Variants in DLL4 observed in about 807,000 individuals in gnomAD.
DLL4 encodes the protein delta-like protein 4.
In DLL4, 7 loss-of-function variants were observed where a neutral mutation model predicts 73.6. That is an observed-to-expected ratio of 0.10 (90% CI 0.05 to 0.18). DLL4 has a LOEUF of 0.18. Among genes scored for constraint, DLL4 ranks in the 10% least tolerant of loss-of-function variants. The probability of loss-of-function intolerance (pLI) is 1.00; values close to 1 mark genes in which losing one functional copy is unlikely to be tolerated. For synonymous variants in DLL4, 345 were observed against 374.3 expected (o/e 0.92, Z 0.90); for missense variants, 614 against 929.9 (o/e 0.66, Z 4.42).
chr15:40,930,051 G>T lies in DLL4; in HGVS notation c.271G>T (p.Val91Phe). The stretch of plus-strand genomic sequence containing the variant: ...GGTATTGGGCACCAACTCCTTCGCT[G>T]TCCGGGACGACAGTAGCGGCGGGGG... ...TPVLGTNSFA[V>F]RDDSSGGGRN... The change falls in exon 2 of 11, where the codon GTC (valine) becomes TTC (phenylalanine). Residue 91 changes from valine (V) to phenylalanine (F), a missense_variant. Val to Phe is a conservative substitution (Grantham distance 50). Coordinates refer to ENST00000249749, the MANE Select transcript of DLL4 (RefSeq NM_019074.4). This position sits in a 1 kb window ranked among gnomAD's most constrained non-coding sequence, Gnocchi z 5.7. 6.2e-7 allele frequency: 1 copy of T among 1,612,752 alleles called. No homozygotes were observed. Among genetic ancestry groups the T allele is most frequent in the Non-Finnish European group, 8.5e-7 (1 of 1,179,622 alleles).
chr15:40,934,516 CCTGCTCAG>C (rs778248660), intron 6 of DLL4, 24 bp from the exon 7 acceptor site: 3 of 1,608,930 alleles, frequency 1.9e-6, no homozygotes, highest in Non-Finnish European at 8.5e-7. Flanking sequence ...ATTCCCTGGC[CCTGCTCAG>C]CTGCTTGGTT....
chr15:40,937,302 G>C, intron 9 of DLL4, 116 bp from the exon 10 acceptor site: 1 of 779,286 alleles, frequency 1.3e-6, no homozygotes, highest in African/African-American at 1.7e-5. Flanking sequence ...GGCACGTCCA[G>C]CCCCTGTGTC....
chr15:40,929,623 G>C lies in DLL4; in HGVS notation c.-46G>C. ...GCGCGGGAAAGCGGCGTCGCGAACAGAGCCAGATTGAGGGCCCGCGGGTGG... is the reference window on the plus strand; with the variant it reads ...GCGCGGGAAAGCGGCGTCGCGAACACAGCCAGATTGAGGGCCCGCGGGTGG... On this transcript the variant is annotated 5_prime_UTR_variant, in exon 1 of 11. Transcript: ENST00000249749. The surrounding 1 kb of genome is among the most constrained non-coding windows in gnomAD (Gnocchi z 7.1). 6.8e-7 allele frequency: 1 copy of C among 1,478,748 alleles called. No individual in the cohort carries two copies. Among genetic ancestry groups the C allele is most frequent in the Non-Finnish European group, 8.9e-7 (1 of 1,121,842 alleles). The allele number at this position is 1,478,748 out of a possible 1,614,324, so 91.6% of individuals were successfully genotyped here.
rs35212817 is a variant in DLL4, at chr15:40,934,834, G to A, written c.1021-64G>A. The stretch of plus-strand genomic sequence containing the variant: ...AGGCATTGTGGGCAGGTGGAGCCCA[G>A]CCTTCAGTCACACATCCCTGCCCCC... On this transcript the variant is annotated intron_variant, in intron 7 of 10. Transcript: ENST00000249749. 2.5e-6 allele frequency: 4 copies of A among 1,588,616 alleles called. No individual in the cohort carries two copies. In the African/African-American group the frequency reaches 4.0e-5, roughly 16 times the overall value.
intron 10 of DLL4, 136 bp from the exon 11 acceptor site, chr15:40,937,893 A>C: frequency 9.8e-7 from 1 of 1,019,040 alleles, no homozygotes; most frequent in Non-Finnish European, 1.4e-6. Context: ...GTTGGGCCGA[A>C]GACTGGGGAG....
rs564058586 is a variant in DLL4 at position 40,931,443 on chromosome 15, C to T, written c.395-60C>T. ...ACAGCCAAGAAGGACATTGGCCAGCCGTCACTGGCACCCTTGGGGACTGGC... is the reference window on the plus strand; with the variant it reads ...ACAGCCAAGAAGGACATTGGCCAGCTGTCACTGGCACCCTTGGGGACTGGC... On this transcript the variant is annotated intron_variant, in intron 3 of 10. Transcript: ENST00000249749. 1.3e-5 allele frequency: 20 copies of T among 1,541,900 alleles called. No individual in the cohort carries two copies. In the East Asian group the frequency reaches 3.1e-4, roughly 24 times the overall value.
intron 9 of DLL4, 30 bp from the exon 10 acceptor site, chr15:40,937,388 C>G: frequency 2.0e-6 from 3 of 1,501,250 alleles, no homozygotes; most frequent in Non-Finnish European, 1.9e-6. Context: ...CCCCGTCCCT[C>G]CCTTACACGC....
Position 40,929,660 on chromosome 15 carries a change from C to T in DLL4, c.-9C>T. On this transcript the variant is annotated 5_prime_UTR_variant, in exon 1 of 11. Coordinates refer to ENST00000249749, the MANE Select transcript of DLL4 (RefSeq NM_019074.4). The surrounding 1 kb of genome is among the most constrained non-coding windows in gnomAD (Gnocchi z 7.1). ...GGGCCCGCGGGTGGAGAGAGCGACG[C>T]CCGAGGGGATGGCGGCAGCGTCCCG... The T allele has an allele frequency of 5.9e-6, 9 of 1,533,326 alleles. No homozygotes were observed. The highest frequency in any genetic ancestry group is 5.2e-6 in the Non-Finnish European group (6 of 1,150,194). The allele number at this position is 1,533,326 out of a possible 1,614,324, so 95.0% of individuals were successfully genotyped here.
chr15:40,934,444 G>A (rs1245737258), intron 6 of DLL4, 104 bp from the exon 7 acceptor site: 4 of 1,151,594 alleles, frequency 3.5e-6, no homozygotes, highest in Admixed American at 2.6e-5. Flanking sequence ...ACTTTGAGTT[G>A]AGGTGTCTTT....
rs747508909 is a variant in DLL4 at position 40,935,019 on chromosome 15, A to G, written c.1142A>G (p.Asn381Ser). 8.1e-6 allele frequency: 13 copies of G among 1,613,428 alleles called. No homozygotes were observed. The African/African-American group carries it at 9.3e-5, about 12-fold the overall frequency. Residue 381 changes from asparagine (N) to serine (S), a missense_variant, in exon 8 of 11, where the codon AAC becomes AGC. Asn to Ser is a conservative substitution (Grantham distance 46, BLOSUM62 1). This residue lies in a region of DLL4 where 386 missense variants were observed against 541.3 expected (regional missense o/e 0.71). Transcript: ENST00000249749. ...CFNGGSCRER[N>S]QGANYACECP... ...AATGGGGGCTCCTGCCGGGAGCGCA[A>G]CCAGGGGGCCAACTATGCTTGTGAA...
intron 9 of DLL4, 29 bp from the exon 10 acceptor site, chr15:40,937,389 C>T (rs374705296): frequency 9.3e-6 from 14 of 1,510,966 alleles, no homozygotes; most frequent in Non-Finnish European, 1.3e-5. Flanking sequence ...CCCGTCCCTC[C>T]CTTACACGCC....
rs143694727 is a variant in DLL4 at position 40,929,496 on chromosome 15, A to C, written c.-173A>C. Reference sequence around the variant, plus strand: ...TCGCCGCCCAGCCGTAGTCACCTGGATTACCTACAGCGGCAGCTGCAGCGG... The same window carrying C: ...TCGCCGCCCAGCCGTAGTCACCTGGCTTACCTACAGCGGCAGCTGCAGCGG... On this transcript the variant is annotated 5_prime_UTR_variant, in exon 1 of 11. Coordinates refer to ENST00000249749, the MANE Select transcript of DLL4 (RefSeq NM_019074.4). The surrounding 1 kb of genome is among the most constrained non-coding windows in gnomAD (Gnocchi z 7.1). 267 of 624,730 alleles carry C rather than the reference A, an allele frequency of 4.3e-4. 2 individuals carry two copies. In the East Asian group the frequency reaches 7.9e-3, roughly 19 times the overall value. 38.7% of individuals were successfully genotyped at this position (624,730 alleles called of 1,614,324 possible).
chr15:40,930,347 C>CG lies in DLL4; in HGVS notation c.336+232dup, dbSNP rs891115285. The CG allele has an allele frequency of 7.6e-6, 5 of 655,040 alleles. No homozygotes were observed. Among genetic ancestry groups the CG allele is most frequent in the Non-Finnish European group, 1.3e-5 (5 of 383,186 alleles). The allele number at this position is 655,040 out of a possible 1,614,324, so 40.6% of individuals were successfully genotyped here. On this transcript the variant is annotated intron_variant, in intron 2 of 10. Transcript: ENST00000249749. The surrounding 1 kb of genome is among the most constrained non-coding windows in gnomAD (Gnocchi z 5.7). ...CCTCCCGTCCCCAGCTCTTGGGACACGATTTTCATTACCTACCACTCTGGG... is the reference window on the plus strand; with the variant it reads ...CCTCCCGTCCCCAGCTCTTGGGACACGGATTTTCATTACCTACCACTCTGGG...
At chr15:40,935,267 G>C in intron 8 of DLL4, 150 bp downstream of exon 8, 15 of 845,348 alleles carry the variant, frequency 1.8e-5, no homozygotes, top group South Asian at 5.1e-5. Context: ...TGATCAGCTG[G>C]GGGGCTGTGG....
At position 40,937,451 on chromosome 15, in the gene DLL4, C is replaced by G; in HGVS notation, c.1977C>G (p.Cys659Trp). Residue 659 changes from cysteine to tryptophan, a missense_variant, in exon 10 of 11, where the codon TGC becomes TGG. Physicochemically the swap from Cys to Trp is radical, Grantham distance 215 (BLOSUM62 -2). This residue lies in a region of DLL4 where 386 missense variants were observed against 541.3 expected (regional missense o/e 0.71). Coordinates refer to ENST00000249749, the MANE Select transcript of DLL4 (RefSeq NM_019074.4). ...CAGAGTGTCGGATATCAGCGATATGCTCCCCCAGGGACTCCATGTACCAGT... is the reference window on the plus strand; with the variant it reads ...CAGAGTGTCGGATATCAGCGATATGGTCCCCCAGGGACTCCATGTACCAGT... ...EKPECRISAI[C>W]SPRDSMYQSV... The G allele has an allele frequency of 6.2e-7, 1 of 1,613,802 alleles. No homozygotes were observed. The highest frequency in any genetic ancestry group is 8.5e-7 in the Non-Finnish European group (1 of 1,179,674).
rs752167071 is a variant in DLL4 at position 40,929,879 on chromosome 15, G to A, written c.99G>A (p.Gln33=). 2 of 1,612,524 alleles carry A rather than the reference G, an allele frequency of 1.2e-6. No homozygotes were observed. Among genetic ancestry groups the A allele is most frequent in the African/African-American group, 2.7e-5 (2 of 74,946 alleles). ...CCGGCTCCGGCGTCTTCCAGCTGCA[G>A]CTGCAGGAGTTCATCAACGAGCGCG... is the stretch of plus-strand genomic sequence containing the variant. ...RAAGSGVFQL[Q]LQEFINERGV... is the part of the protein sequence containing the mutation. Residue 33 remains glutamine, a synonymous_variant, in exon 2 of 11, where the codon CAG becomes CAA. Coordinates refer to ENST00000249749, the MANE Select transcript of DLL4 (RefSeq NM_019074.4). The surrounding 1 kb of genome is among the most constrained non-coding windows in gnomAD (Gnocchi z 7.1).
chr15:40,932,730 A>G (rs1892787084), intron 6 of DLL4, among the ~76,000 whole-genome samples: 1 of 152,144 alleles, frequency 6.6e-6, no homozygotes, highest in Non-Finnish European at 1.5e-5. Context: ...CATAAATCCT[A>G]GCAAAGCCAA....
chr15:40,930,267 C>G lies in DLL4; in HGVS notation c.336+151C>G. 1 of 980,658 alleles carries G rather than the reference C, an allele frequency of 1.0e-6. No individual in the cohort carries two copies. Among genetic ancestry groups the G allele is most frequent in the Non-Finnish European group, 1.5e-6 (1 of 676,902 alleles). The allele number at this position is 980,658 out of a possible 1,614,324, so 60.7% of individuals were successfully genotyped here. A position where few individuals can be genotyped will look rare whatever the true frequency, so the allele number is the denominator to read the frequency against. On this transcript the variant is annotated intron_variant, in intron 2 of 10. Transcript: ENST00000249749. This position sits in a 1 kb window ranked among gnomAD's most constrained non-coding sequence, Gnocchi z 5.7. ...CTTTCCTGGCTCTTCCCGACTCTCTCCTGAGACTGATCCCAGAAAAGGCTC... is the reference window on the plus strand; with the variant it reads ...CTTTCCTGGCTCTTCCCGACTCTCTGCTGAGACTGATCCCAGAAAAGGCTC...
intron 6 of DLL4, 49 bp downstream of exon 6, chr15:40,932,496 T>TG (rs757798628): frequency 1.9e-6 from 3 of 1,605,572 alleles, no homozygotes; most frequent in Admixed American, 3.4e-5. Context: ...GATATGGGGC[T>TG]GGGGGGTGGA....
Sources: gnomAD v4.1 joint callset for allele counts (sites outside exome capture counted in the v4.1 genomes callset) on GRCh38, gnomAD v4.1.1 for gene constraint, gnomAD v4.1.1 regional missense constraint, Gnocchi (gnomAD v3.1) non-coding constraint, MANE v1.5 for transcripts, NCBI Gene and HGNC (gene_info 2026-07-23, HGNC 2026-07-21) for gene names.